AUTS2: variants seen among roughly 807,000 people sequenced by gnomAD.
AUTS2 encodes the protein autism susceptibility gene 2 protein.
Under a neutral mutation model 112.4 loss-of-function variants are expected in AUTS2, and 17 were observed. The ratio of observed to expected loss-of-function variants is 0.15; its 90% CI spans 0.10 to 0.23. AUTS2 has a LOEUF of 0.23. Among genes scored for constraint, AUTS2 ranks in the 10% least tolerant of loss-of-function variants. The pLI is 1.00. For missense variants in AUTS2, 1,510 were observed against 1,701.6 expected, an observed-to-expected ratio of 0.89 and a Z score of 1.98; for synonymous variants, 751 against 702.7, an observed-to-expected ratio of 1.07 and a Z score of -1.09.
At chr7:70,270,374 G>A (rs1787633144) in intron 4 of AUTS2, among the ~76,000 whole-genome samples, 1 of 152,154 alleles carries the variant, frequency 6.6e-6, no homozygotes, top group Non-Finnish European at 1.5e-5. Context: ...GGATTGAGAA[G>A]AGCATTCAGG....
At chr7:69,928,823 G>T (rs770904429) in intron 2 of AUTS2, among the ~76,000 whole-genome samples, 26 of 152,142 alleles carry the variant, frequency 1.7e-4, no homozygotes, top group Non-Finnish European at 3.5e-4. Context: ...ACTCTGTAAG[G>T]TGCAGGGCTC....
At chr7:70,634,920 A>G (rs1403232413) in intron 5 of AUTS2, among the ~76,000 whole-genome samples, 2 of 152,172 alleles carry the variant, frequency 1.3e-5, no homozygotes, top group African/African-American at 2.4e-5. Flanking sequence ...GGCTGGGGTT[A>G]GCAGACATGG....
chr7:70,496,365 G>T (rs111161439), intron 5 of AUTS2, among the ~76,000 whole-genome samples: 1 of 88,204 alleles, frequency 1.1e-5, no homozygotes, highest in South Asian at 4.0e-4. Flanking sequence ...CATCAGCGTC[G>T]ATCACACACC....
intron 5 of AUTS2, among the ~76,000 whole-genome samples, chr7:70,482,456 G>A (rs1426214145): frequency 6.6e-6 from 1 of 152,162 alleles, no homozygotes; most frequent in Non-Finnish European, 1.5e-5. Flanking sequence ...ATCAATACAT[G>A]TTAAGACAGC....
chr7:69,767,534 C>G (rs1445713024), intron 1 of AUTS2, among the ~76,000 whole-genome samples: 1 of 152,198 alleles, frequency 6.6e-6, no homozygotes, highest in Non-Finnish European at 1.5e-5. Flanking sequence ...GGACTTCTCT[C>G]CATGTGGGCC....
chr7:70,093,747 A>C lies in AUTS2; in HGVS notation c.523-24385A>C, dbSNP rs76217899. 6.8e-3 allele frequency among the ~76,000 whole-genome samples: 1,043 copies of C among 152,328 alleles called. 13 individuals carry two copies. The highest frequency in any genetic ancestry group is 0.024 in the African/African-American group (990 of 41,566). On this transcript the variant is annotated intron_variant, in intron 2 of 18. Transcript: ENST00000342771. ...AAAAAGAAATGACCCTTGCTAACACAGAGGTGTCATGGAACATGTAAGCTG... is the reference window on the plus strand; with the variant it reads ...AAAAAGAAATGACCCTTGCTAACACCGAGGTGTCATGGAACATGTAAGCTG...
chr7:69,672,696 C>G (rs1796390283), intron 1 of AUTS2, among the ~76,000 whole-genome samples: 1 of 152,200 alleles, frequency 6.6e-6, no homozygotes, highest in Non-Finnish European at 1.5e-5. Context: ...TGAAAGGTTT[C>G]CAGTGATATT....
intron 6 of AUTS2, among the ~76,000 whole-genome samples, chr7:70,733,705 G>A (rs536110651): frequency 1.3e-5 from 2 of 152,140 alleles, no homozygotes. Context: ...TCCTGCTTCA[G>A]CCTCCCAAGT....
chr7:70,511,495 A>ATAT (rs1021904330), intron 5 of AUTS2, among the ~76,000 whole-genome samples: 1 of 145,402 alleles, frequency 6.9e-6, no homozygotes, highest in Non-Finnish European at 1.5e-5. Context: ...CCCAACTTCT[A>ATAT]TATGCCCTTT....
intron 2 of AUTS2, among the ~76,000 whole-genome samples, chr7:70,112,199 ATGT>A (rs1450871610): frequency 2.0e-5 from 3 of 151,786 alleles, no homozygotes; most frequent in Admixed American, 6.5e-5. Flanking sequence ...TAATTTTTAA[ATGT>A]TGTATGTGTG....
At chr7:69,663,905 C>A (rs1019113405) in intron 1 of AUTS2, among the ~76,000 whole-genome samples, 11 of 152,096 alleles carry the variant, frequency 7.2e-5, no homozygotes, top group African/African-American at 2.4e-4. Flanking sequence ...AAATAGATCC[C>A]AAAATGAATC....
At chr7:70,187,308 G>A (rs1809653890) in intron 4 of AUTS2, among the ~76,000 whole-genome samples, 1 of 152,080 alleles carries the variant, frequency 6.6e-6, no homozygotes, top group South Asian at 2.1e-4. Flanking sequence ...ATCACTTTTT[G>A]TTTGATCTGA....
chr7:70,477,749 G>A (rs943469391), intron 5 of AUTS2, among the ~76,000 whole-genome samples: 1 of 152,174 alleles, frequency 6.6e-6, no homozygotes, highest in African/African-American at 2.4e-5. Context: ...TTTTGTGATT[G>A]TCAAATGATG....
chr7:69,940,604 A>G (rs1019923063), intron 2 of AUTS2, among the ~76,000 whole-genome samples: 2 of 152,208 alleles, frequency 1.3e-5, no homozygotes, highest in African/African-American at 2.4e-5. Context: ...ATAAAGGGCT[A>G]AGGACAAACG....
chr7:70,141,896 T>C (rs905334338), intron 4 of AUTS2, among the ~76,000 whole-genome samples: 14 of 152,154 alleles, frequency 9.2e-5, no homozygotes, highest in African/African-American at 3.1e-4. Context: ...CAGGATGACT[T>C]TTCCAGCACA....
At chr7:70,752,059 G>GC (rs1336623387) in intron 6 of AUTS2, among the ~76,000 whole-genome samples, 1 of 134,296 alleles carries the variant, frequency 7.4e-6, no homozygotes, top group African/African-American at 3.1e-5. Context: ...CTGTGCTTGG[G>GC]CTGTGTATGT....
chr7:70,789,433 C>T (rs1321571968), intron 18 of AUTS2, among the ~76,000 whole-genome samples: 1 of 152,180 alleles, frequency 6.6e-6, no homozygotes, highest in Non-Finnish European at 1.5e-5. Flanking sequence ...ATGCAGCCAT[C>T]TTGGCTTTCT....
At chr7:70,107,120 A>G (rs1804805578) in intron 2 of AUTS2, among the ~76,000 whole-genome samples, 1 of 152,114 alleles carries the variant, frequency 6.6e-6, no homozygotes, top group Non-Finnish European at 1.5e-5. Flanking sequence ...AACTAACTGT[A>G]ATTATGCAAC....
At chr7:69,747,784 G>GGTGTGTGTGTGTGTGT (rs10695531) in intron 1 of AUTS2, among the ~76,000 whole-genome samples, 44 of 144,604 alleles carry the variant, frequency 3.0e-4, no homozygotes, top group Non-Finnish European at 3.2e-4. Context: ...GAAGGAGAGG[G>GGTGTGTGTGTGTGTGT]GTGTGTGTGT....
Sources: allele counts gnomAD v4.1 joint callset (sites outside exome capture counted in the v4.1 genomes callset), GRCh38; gene constraint gnomAD v4.1.1; transcripts MANE v1.5; gene names NCBI Gene and HGNC (gene_info 2026-07-23, HGNC 2026-07-21).